Variants in SCN3A observed in about 807,000 individuals in gnomAD.
The protein encoded by SCN3A is sodium voltage-gated channel alpha subunit 3, also known as sodium channel protein type 3 subunit alpha.
SCN3A carries 60 observed loss-of-function variants against 187.6 expected under a neutral mutation model. That is an observed-to-expected ratio of 0.32 (90% CI 0.26 to 0.40). The LOEUF (loss-of-function observed/expected upper bound fraction) is 0.40, where lower values mean the gene tolerates loss of function less well. SCN3A is among the 10% of genes least tolerant of loss of function. The pLI is 1.00. For missense variants in SCN3A, 1,601 were observed against 2,428.2 expected, an observed-to-expected ratio of 0.66 and a Z score of 7.16; for synonymous variants, 788 against 829.2, an observed-to-expected ratio of 0.95 and a Z score of 0.85.
At chr2:165,167,097 C>T (rs917480202) in intron 5 of SCN3A, among the ~76,000 whole-genome samples, 3 of 152,066 alleles carry the variant, frequency 2.0e-5, no homozygotes, top group African/African-American at 4.8e-5. Flanking sequence ...GATGGGGTTT[C>T]ACCATGTTGG....
rs1387125200 is a variant in SCN3A at position 165,187,353 on chromosome 2, C to T, written c.-247-606G>A. Among the ~76,000 whole-genome samples, 10 of 152,122 alleles carry T rather than the reference C, an allele frequency of 6.6e-5. No homozygotes were observed. In the East Asian group the frequency reaches 1.2e-3, roughly 18 times the overall value. ...AATAACCAGATGTCATACTTCTTTC[C>T]GCTATAACCAACAGCAATGGCTTAG... On this transcript the variant is annotated intron_variant, in intron 1 of 27. Transcript: ENST00000283254.
intron 22 of SCN3A, among the ~76,000 whole-genome samples, chr2:165,097,898 T>C (rs1027825689): frequency 6.6e-6 from 1 of 152,170 alleles, no homozygotes; most frequent in Non-Finnish European, 1.5e-5. Flanking sequence ...TGTTAATGAA[T>C]GAATGATAAT....
chr2:165,202,856 A>G (rs939242699), intron 1 of SCN3A, among the ~76,000 whole-genome samples: 2 of 152,022 alleles, frequency 1.3e-5, no homozygotes, highest in Admixed American at 1.3e-4. Flanking sequence ...CCTGTTGTGT[A>G]TTTTAAAACC....
intron 18 of SCN3A, among the ~76,000 whole-genome samples, chr2:165,127,112 A>C (rs942611469): frequency 7.9e-5 from 12 of 152,208 alleles, no homozygotes; most frequent in African/African-American, 2.9e-4. Context: ...AGGGTTGAGT[A>C]GAATGATGTG....
At chr2:165,162,426 T>C in intron 8 of SCN3A, 55 bp from the exon 9 acceptor site, 1 of 1,590,494 alleles carries the variant, frequency 6.3e-7, no homozygotes, top group South Asian at 1.1e-5. Flanking sequence ...TTCACATTAG[T>C]ATTAGTAATA....
chr2:165,122,954 T>G (rs1299180801), intron 18 of SCN3A: 1 of 152,174 alleles, frequency 6.6e-6, no homozygotes, highest in Admixed American at 6.5e-5. Context: ...ATTGCTAGAT[T>G]GTGTTTGGAA....
rs778352249 is a variant in SCN3A, at chr2:165,176,215, G to T, written c.180C>A (p.Asn60Lys). 1.4e-5 allele frequency: 23 copies of T among 1,613,964 alleles called. No individual in the cohort carries two copies. The highest frequency in any genetic ancestry group is 1.9e-5 in the Non-Finnish European group (23 of 1,179,966). The change falls in exon 3 of 28, where the codon AAC becomes AAA. Residue 60 changes from asparagine (N) to lysine (K), a missense_variant. This residue lies in a region of SCN3A where 74 missense variants were observed against 77.7 expected (regional missense o/e 0.95). Transcript: ENST00000283254. ...KPNSDLEAGK[N>K]LPFIYGDIPP... ...GAATGTCTCCATAAATAAATGGAAGGTTCTTTCCAGCTTCCAAGTCACTAT... is the reference window on the plus strand; with the variant it reads ...GAATGTCTCCATAAATAAATGGAAGTTTCTTTCCAGCTTCCAAGTCACTAT...
intron 21 of SCN3A, among the ~76,000 whole-genome samples, chr2:165,109,996 C>G (rs1686041835): frequency 1.3e-5 from 2 of 151,966 alleles, no homozygotes; most frequent in African/African-American, 4.8e-5. Context: ...CTCTCTTCTC[C>G]CAGGTCTTCA....
In SCN3A at chr2:165,090,164, C is replaced by T; in HGVS notation, c.5989G>A (p.Glu1997Lys). The T allele has an allele frequency of 6.3e-7, 1 of 1,584,202 alleles. No individual in the cohort carries two copies. The highest frequency in any genetic ancestry group is 8.6e-7 in the Non-Finnish European group (1 of 1,160,926). The change falls in exon 28 of 28, where the codon GAA becomes AAA. Residue 1997 changes from glutamate to lysine, a missense_variant. Physicochemically the swap from Glu to Lys is moderately conservative, Grantham distance 56 (BLOSUM62 1). Transcript: ENST00000283254. This position sits in a 1 kb window ranked among gnomAD's most constrained non-coding sequence, Gnocchi z 4.0. ...TTTGTTTCTTTTTACTTTTGATTTT[C>T]TCTGACCTCTTTTCCTTTGCTTTCT... ...EKESKGKEVR[E>K]NQK
At position 165,162,653 on chromosome 2, in the gene SCN3A, G is replaced by A. The variant is rs1574267604; in HGVS notation, c.870C>T (p.Asn290=). 1 of 1,614,184 alleles carries A rather than the reference G, an allele frequency of 6.2e-7. No homozygotes were observed. Among genetic ancestry groups the A allele is most frequent in the Non-Finnish European group, 8.5e-7 (1 of 1,180,030 alleles). The change falls in exon 8 of 28, where the codon AAC becomes AAT. Residue 290 remains asparagine, a synonymous_variant. Transcript: ENST00000283254. Reference sequence around the variant, plus strand: ...TTGTGCCATTAAAGTAGGAAGTGGTGTTGGTTTCAAAAGCAGAATCGCTTG... The same window carrying A: ...TTGTGCCATTAAAGTAGGAAGTGGTATTGGTTTCAAAAGCAGAATCGCTTG... ...WPPSDSAFET[N]TTSYFNGTMD...
At position 165,147,146 on chromosome 2, in the gene SCN3A, G is replaced by C. The variant is rs200234046; in HGVS notation, c.1381-117C>G. 1.1e-3 allele frequency: 1,292 copies of C among 1,157,698 alleles called. 3 individuals are homozygous for C. The highest frequency in any genetic ancestry group is 5.2e-3 in the East Asian group (207 of 40,118). 71.7% of individuals were successfully genotyped at this position (1,157,698 alleles called of 1,614,324 possible). On this transcript the variant is annotated intron_variant, in intron 11 of 27. Transcript: ENST00000283254. ...CTACAAGTGAAAAGTCTATCCTCTA[G>C]TCCTTTTATTTTGTCTCACCACAAG...
At chr2:165,121,009 A>G (rs1459929302) in intron 18 of SCN3A, among the ~76,000 whole-genome samples, 1 of 152,176 alleles carries the variant, frequency 6.6e-6, no homozygotes, top group Non-Finnish European at 1.5e-5. Context: ...AGGAAAAAGA[A>G]AAAGGCCATT....
At chr2:165,168,210 T>C (rs1689891805) in intron 5 of SCN3A, among the ~76,000 whole-genome samples, 1 of 152,100 alleles carries the variant, frequency 6.6e-6, no homozygotes, top group South Asian at 2.1e-4. Flanking sequence ...ATGGAAGACA[T>C]TTTATTTCTT....
Position 165,176,331 on chromosome 2 carries a change from G to A in SCN3A, c.64C>T (p.Leu22Phe). ...ESFRLFTRES[L>F]AAIEKRAAEE... ...GCAGCACGTTTTTCGATAGCAGCAA[G>A]AGATTCTCTAGTAAAAAGGCGGAAG... The change falls in exon 3 of 28, where the codon CTT (leucine) becomes TTT (phenylalanine). Residue 22 changes from leucine (L) to phenylalanine (F), a missense_variant. By Grantham distance (22) the Leu-to-Phe change is conservative. This residue lies in a region of SCN3A where 74 missense variants were observed against 77.7 expected (regional missense o/e 0.95). Coordinates refer to ENST00000283254, the MANE Select transcript of SCN3A (RefSeq NM_006922.4). 1 of 1,614,074 alleles carries A rather than the reference G, an allele frequency of 6.2e-7. No individual in the cohort carries two copies. The highest frequency in any genetic ancestry group is 8.5e-7 in the Non-Finnish European group (1 of 1,179,990).
chr2:165,159,600 T>C (rs1689240440), intron 9 of SCN3A, among the ~76,000 whole-genome samples: 1 of 134,864 alleles, frequency 7.4e-6, no homozygotes, highest in South Asian at 2.3e-4. Flanking sequence ...TGGGCTCAAA[T>C]GATCTTCCCC....
At chr2:165,162,495 C>T (rs1203869033) in intron 8 of SCN3A, 61 bp downstream of exon 8, 8 of 1,609,068 alleles carry the variant, frequency 5.0e-6, no homozygotes, top group Non-Finnish European at 6.8e-6. Context: ...ACAGTCTCAA[C>T]TATTTATAGT....
intron 2 of SCN3A, among the ~76,000 whole-genome samples, chr2:165,186,186 C>G (rs185793918): frequency 6.6e-6 from 1 of 151,950 alleles, no homozygotes; most frequent in Non-Finnish European, 1.5e-5. Flanking sequence ...AGGAGAATGG[C>G]GTGAACCCGG....
chr2:165,199,002 T>C (rs956147545), intron 1 of SCN3A, among the ~76,000 whole-genome samples: 2 of 152,124 alleles, frequency 1.3e-5, no homozygotes, highest in Admixed American at 6.6e-5. Context: ...AGAAGCGCAA[T>C]GTCACTTGTT....
chr2:165,127,647 A>G lies in SCN3A; in HGVS notation c.3377T>C (p.Leu1126Pro), dbSNP rs1321949677. ...NTEEFSSESE[L>P]EESKEKLNAT... ...CATTCTTACCTCTTTGCTTTCTTCT[A>G]GTTCTGACTCACTGCTGAACTCTTC... Residue 1126 changes from leucine to proline, a missense_variant, in exon 18 of 28, where the codon CTA (leucine) becomes CCA (proline). Coordinates refer to ENST00000283254, the MANE Select transcript of SCN3A (RefSeq NM_006922.4). 2 of 1,613,818 alleles carry G rather than the reference A, an allele frequency of 1.2e-6. No homozygotes were observed. The highest frequency in any genetic ancestry group is 3.3e-5 in the Admixed American group (2 of 60,030).
Sources: gnomAD v4.1 joint callset for allele counts (sites outside exome capture counted in the v4.1 genomes callset) on GRCh38, gnomAD v4.1.1 for gene constraint, gnomAD v4.1.1 regional missense constraint, Gnocchi (gnomAD v3.1) non-coding constraint, MANE v1.5 for transcripts, NCBI Gene and HGNC (gene_info 2026-07-23, HGNC 2026-07-21) for gene names.